The following ASCC3 variants were observed in gnomAD, a reference collection of about 807,000 sequenced individuals.
ASCC3 encodes activating signal cointegrator 1 complex subunit 3.
In ASCC3, 158 loss-of-function variants were observed where a neutral mutation model predicts 256.3. The observed-to-expected ratio is 0.62, with a 90% CI of 0.54 to 0.70. The LOEUF (loss-of-function observed/expected upper bound fraction) is 0.70, where lower values mean the gene tolerates loss of function less well. Among genes scored for constraint, ASCC3 ranks in the 30% least tolerant of loss-of-function variants. ASCC3 has a pLI of 0.00. For missense variants in ASCC3, 2,259 were observed against 2,626.0 expected (o/e 0.86, Z 3.05); for synonymous variants, 948 against 883.4 (o/e 1.07, Z -1.30).
intron 14 of ASCC3, among the ~76,000 whole-genome samples, chr6:100,672,449 A>G (rs1157108394): frequency 6.6e-6 from 1 of 152,056 alleles, no homozygotes; most frequent in Admixed American, 6.6e-5. Flanking sequence ...CATTCTGCTA[A>G]TTAAAAGCAT....
chr6:100,530,174 T>C, intron 37 of ASCC3: 5 of 623,464 alleles, frequency 8.0e-6, no homozygotes, highest in Non-Finnish European at 1.5e-5. Context: ...AGATGTGTTT[T>C]CCTTTCATGA....
chr6:100,684,668 G>GT (rs1462846822), intron 13 of ASCC3, among the ~76,000 whole-genome samples: 4 of 152,076 alleles, frequency 2.6e-5, no homozygotes, highest in African/African-American at 9.7e-5. Flanking sequence ...GTGCGTGTGT[G>GT]TATGTGTATT....
chr6:100,530,733 C>G, intron 37 of ASCC3: 3 of 957,884 alleles, frequency 3.1e-6, no homozygotes, highest in Non-Finnish European at 5.2e-6. Context: ...AGAACCAGGA[C>G]AATTTAAGGA....
intron 12 of ASCC3, among the ~76,000 whole-genome samples, chr6:100,716,365 G>A (rs1027208807): frequency 1.3e-5 from 2 of 151,716 alleles, no homozygotes; most frequent in African/African-American, 4.8e-5. Flanking sequence ...AAAAGGTAAG[G>A]TGGCTAACCC....
chr6:100,789,336 G>T (rs1440331272), intron 8 of ASCC3, among the ~76,000 whole-genome samples: 2 of 151,944 alleles, frequency 1.3e-5, no homozygotes, highest in Non-Finnish European at 2.9e-5. Context: ...CAGACAACTG[G>T]AGACTCAAAG....
chr6:100,696,124 G>C (rs12661291), intron 13 of ASCC3, among the ~76,000 whole-genome samples: 1 of 152,066 alleles, frequency 6.6e-6, no homozygotes, highest in South Asian at 2.1e-4. Flanking sequence ...AAAGAAAAAA[G>C]GAGATGAGAT....
intron 11 of ASCC3, among the ~76,000 whole-genome samples, chr6:100,720,901 AAT>A (rs1189435936): frequency 1.4e-5 from 2 of 148,024 alleles, no homozygotes; most frequent in East Asian, 1.9e-4. Context: ...ATAAACCTAT[AAT>A]ATATAGTTTG....
chr6:100,560,748 AACACACACACACACACAC>A (rs747539213), intron 36 of ASCC3, among the ~76,000 whole-genome samples: 2 of 133,876 alleles, frequency 1.5e-5, no homozygotes, highest in African/African-American at 5.6e-5. Context: ...ATCTTAGAGG[AACACACACACACACACAC>A]ACACACACAC....
At chr6:100,532,404 ATATTTT>A (rs1179119368) in intron 37 of ASCC3, among the ~76,000 whole-genome samples, 2,505 of 47,612 alleles carry the variant, frequency 0.053, 14 homozygotes, top group South Asian at 0.12. Context: ...ATATATATAT[ATATTTT>A]TTTTTTTTTT....
At chr6:100,584,315 T>C (rs1038744733) in intron 36 of ASCC3, among the ~76,000 whole-genome samples, 1 of 151,678 alleles carries the variant, frequency 6.6e-6, no homozygotes, top group Non-Finnish European at 1.5e-5. Flanking sequence ...CTCTTCTTGT[T>C]GAATTGATCC....
At chr6:100,589,121 T>C (rs951491238) in intron 36 of ASCC3, among the ~76,000 whole-genome samples, 29 of 152,252 alleles carry the variant, frequency 1.9e-4, no homozygotes, top group Admixed American at 1.3e-3. Context: ...GAACACAGTA[T>C]AGTTTTTTAC....
intron 36 of ASCC3, among the ~76,000 whole-genome samples, chr6:100,571,302 A>G (rs1422439505): frequency 6.6e-6 from 1 of 152,186 alleles, no homozygotes; most frequent in African/African-American, 2.4e-5. Flanking sequence ...TCTTTGTTCA[A>G]ATATCATCTT....
intron 4 of ASCC3, among the ~76,000 whole-genome samples, chr6:100,837,475 G>T (rs1207299809): frequency 6.6e-6 from 1 of 151,994 alleles, no homozygotes; most frequent in African/African-American, 2.4e-5. Flanking sequence ...GCCAAGATAT[G>T]AATCAACCTA....
chr6:100,562,923 T>A (rs1209340742), intron 36 of ASCC3, among the ~76,000 whole-genome samples: 1 of 152,062 alleles, frequency 6.6e-6, no homozygotes, highest in African/African-American at 2.4e-5. Context: ...CCTTTTTGAA[T>A]CCCTGACAAT....
At chr6:100,830,559 T>C (rs1771572745) in intron 4 of ASCC3, among the ~76,000 whole-genome samples, 1 of 152,222 alleles carries the variant, frequency 6.6e-6, no homozygotes, top group Non-Finnish European at 1.5e-5. Flanking sequence ...TGTTGCCTTG[T>C]GGGAATTGGG....
At chr6:100,822,193 T>C (rs1356006936) in intron 4 of ASCC3, among the ~76,000 whole-genome samples, 1 of 152,206 alleles carries the variant, frequency 6.6e-6, no homozygotes, top group Admixed American at 6.5e-5. Context: ...TCAATTAAGC[T>C]ATGCTTTAAA....
intron 13 of ASCC3, among the ~76,000 whole-genome samples, chr6:100,709,021 A>AC (rs1410846293): frequency 6.6e-6 from 1 of 152,076 alleles, no homozygotes; most frequent in African/African-American, 2.4e-5. Flanking sequence ...AAAAAAAAAA[A>AC]AATCCAAAAT....
At chr6:100,722,161 C>T (rs1177717844) in intron 11 of ASCC3, among the ~76,000 whole-genome samples, 1 of 151,730 alleles carries the variant, frequency 6.6e-6, no homozygotes, top group African/African-American at 2.4e-5. Flanking sequence ...GGCTTTATTT[C>T]TGAGTTTTCT....
At chr6:100,558,809 T>C (rs1769767043) in intron 36 of ASCC3, among the ~76,000 whole-genome samples, 1 of 152,180 alleles carries the variant, frequency 6.6e-6, no homozygotes, top group Non-Finnish European at 1.5e-5. Flanking sequence ...CTTGCTTTCA[T>C]TCCATATTAT....
Sources: allele counts gnomAD v4.1 joint callset (sites outside exome capture counted in the v4.1 genomes callset), GRCh38; gene constraint gnomAD v4.1.1; transcripts MANE v1.5; gene names NCBI Gene and HGNC (gene_info 2026-07-23, HGNC 2026-07-21).